MITF: variants seen among roughly 807,000 people sequenced by gnomAD.
MITF encodes microphthalmia-associated transcription factor.
In MITF, 17 loss-of-function variants were observed where a neutral mutation model predicts 60.5. That is an observed-to-expected ratio of 0.28 (90% confidence interval 0.19 to 0.42). The LOEUF is 0.42. MITF is among the 10% of genes least tolerant of loss of function. The probability of loss-of-function intolerance (pLI) is 1.00; values close to 1 mark genes in which losing one functional copy is unlikely to be tolerated. For synonymous variants in MITF, 260 were observed against 248.5 expected (o/e 1.05, Z -0.43); for missense variants, 622 against 683.5 (o/e 0.91, Z 1.00).
intron 1 of MITF, among the ~76,000 whole-genome samples, chr3:69,777,666 A>G (rs1319049365): frequency 6.6e-6 from 1 of 152,280 alleles, no homozygotes; most frequent in African/African-American, 2.4e-5. Context: ...GGAAGTGCTG[A>G]TGAAATTCCT....
chr3:69,822,483 A>G (rs2063291349), intron 1 of MITF, among the ~76,000 whole-genome samples: 3 of 152,202 alleles, frequency 2.0e-5, no homozygotes, highest in Admixed American at 2.0e-4. Context: ...GCACTGGGGA[A>G]ATGAAGTGTA....
chr3:69,857,178 C>T (rs1017667713), intron 1 of MITF, among the ~76,000 whole-genome samples: 20 of 151,788 alleles, frequency 1.3e-4, no homozygotes, highest in Non-Finnish European at 2.6e-4. Flanking sequence ...AGAGGCAACT[C>T]CAGTGCAAGG....
intron 5 of MITF, among the ~76,000 whole-genome samples, chr3:69,943,342 C>T (rs2066015065): frequency 6.6e-6 from 1 of 151,996 alleles, no homozygotes; most frequent in South Asian, 2.1e-4. Context: ...GGTTTCTGAC[C>T]AGATCTGGGG....
intron 1 of MITF, among the ~76,000 whole-genome samples, chr3:69,836,828 T>C (rs543250390): frequency 1.3e-5 from 2 of 152,266 alleles, no homozygotes; most frequent in South Asian, 4.1e-4. Context: ...GAAAAAGATA[T>C]ATTCATGTGT....
intron 2 of MITF, among the ~76,000 whole-genome samples, chr3:69,916,739 A>T (rs2065343409): frequency 6.6e-6 from 1 of 152,196 alleles, no homozygotes; most frequent in Non-Finnish European, 1.5e-5. Context: ...CACTGACCTC[A>T]ATATTTTTTA....
chr3:69,822,767 T>G (rs751889759), intron 1 of MITF, among the ~76,000 whole-genome samples: 1 of 152,236 alleles, frequency 6.6e-6, no homozygotes, highest in Non-Finnish European at 1.5e-5. Context: ...ACTTGCTTGC[T>G]TTCCCCAAGT....
chr3:69,921,957 C>T (rs2065477430), intron 2 of MITF, among the ~76,000 whole-genome samples: 1 of 152,176 alleles, frequency 6.6e-6, no homozygotes, highest in Non-Finnish European at 1.5e-5. Context: ...ACCCCCTCCT[C>T]ACATAGTTAT....
intron 7 of MITF, among the ~76,000 whole-genome samples, chr3:69,955,753 G>A (rs1448886502): frequency 2.6e-5 from 4 of 152,056 alleles, no homozygotes; most frequent in East Asian, 1.9e-4. Flanking sequence ...GATGGAGGTC[G>A]CAGTGAGCTG....
chr3:69,938,262 C>T (rs1403362007), intron 3 of MITF: 3 of 1,246,666 alleles, frequency 2.4e-6, no homozygotes, highest in South Asian at 2.6e-5. Context: ...AGACCTGGCC[C>T]TCTCCAAGTG....
In MITF at chr3:69,938,002, A is replaced by C; in HGVS notation, c.535A>C (p.Asn179His). ...MPPVPGSSAP[N>H]SPMAMLTLNS... Reference sequence around the variant, plus strand: ...ACCGGTGCCGGGGAGCAGCGCACCCAACAGCCCCATGGCTATGCTTACGCT... The same window carrying C: ...ACCGGTGCCGGGGAGCAGCGCACCCCACAGCCCCATGGCTATGCTTACGCT... The change falls in exon 3 of 10, where the codon AAC becomes CAC. Residue 179 changes from asparagine (N) to histidine (H), a missense_variant. By Grantham distance (68) the Asn-to-His change is moderately conservative. Transcript: ENST00000352241. 1 of 1,614,218 alleles carries C rather than the reference A, an allele frequency of 6.2e-7. No homozygotes were observed. Among genetic ancestry groups the C allele is most frequent in the Non-Finnish European group, 8.5e-7 (1 of 1,180,016 alleles).
intron 1 of MITF, among the ~76,000 whole-genome samples, chr3:69,786,127 TTC>T (rs2062645097): frequency 6.6e-6 from 1 of 152,234 alleles, no homozygotes; most frequent in African/African-American, 2.4e-5. Flanking sequence ...CACTCTTAGA[TTC>T]TAAGGTGGAG....
chr3:69,967,880 C>T lies in MITF; in HGVS notation c.*2632C>T, dbSNP rs984300026. The T allele has an allele frequency of 1.3e-5, 3 of 233,052 alleles. No individual in the cohort carries two copies. Among genetic ancestry groups the T allele is most frequent in the Admixed American group, 5.6e-5 (1 of 17,748 alleles). 14.4% of individuals were successfully genotyped at this position (233,052 alleles called of 1,614,324 possible). A position where few individuals can be genotyped will look rare whatever the true frequency, so the allele number is the denominator to read the frequency against. Reference sequence around the variant, plus strand: ...GGGGTTGGGCCTCTATATGGAGTGACCAAAATGCCAAAATTGTCCATCTGC... The same window carrying T: ...GGGGTTGGGCCTCTATATGGAGTGATCAAAATGCCAAAATTGTCCATCTGC... On this transcript the variant is annotated 3_prime_UTR_variant, in exon 10 of 10. Transcript: ENST00000352241.
chr3:69,845,442 C>CTT (rs751773040), intron 1 of MITF, among the ~76,000 whole-genome samples: 20,771 of 136,486 alleles, frequency 0.15, 1,743 homozygotes, highest in South Asian at 0.2. Context: ...TTTTTTCTTT[C>CTT]TTTTTTTTTT....
At chr3:69,898,656 A>G (rs1397139554) in intron 2 of MITF, among the ~76,000 whole-genome samples, 1 of 152,164 alleles carries the variant, frequency 6.6e-6, no homozygotes, top group East Asian at 1.9e-4. Flanking sequence ...AAAACACAGG[A>G]ACAAAGCTTG....
chr3:69,906,374 T>C (rs539531887), intron 2 of MITF, among the ~76,000 whole-genome samples: 1 of 152,296 alleles, frequency 6.6e-6, no homozygotes, highest in East Asian at 1.9e-4. Context: ...GAGTCAAGTA[T>C]TGTCTGACCT....
At chr3:69,746,056 C>A (rs1191623613) in intron 1 of MITF, among the ~76,000 whole-genome samples, 1 of 152,182 alleles carries the variant, frequency 6.6e-6, no homozygotes, top group East Asian at 1.9e-4. Context: ...GGTGCCTCAA[C>A]CTGCAGATGT....
intron 1 of MITF, among the ~76,000 whole-genome samples, chr3:69,805,793 G>A (rs2062995847): frequency 6.6e-6 from 1 of 151,918 alleles, no homozygotes; most frequent in African/African-American, 2.4e-5. Flanking sequence ...CAAATAGCTA[G>A]GACTACAGGC....
At chr3:69,865,240 G>A (rs1427659075) in intron 1 of MITF, among the ~76,000 whole-genome samples, 1 of 152,194 alleles carries the variant, frequency 6.6e-6, no homozygotes, top group African/African-American at 2.4e-5. Context: ...TATGGCTGAA[G>A]AGGTTGCATT....
chr3:69,774,130 T>C (rs972420437), intron 1 of MITF, among the ~76,000 whole-genome samples: 9 of 152,188 alleles, frequency 5.9e-5, no homozygotes, highest in African/African-American at 2.2e-4. Flanking sequence ...TTCATACCAA[T>C]ATCCTTTAAA....
Sources: allele counts gnomAD v4.1 joint callset (sites outside exome capture counted in the v4.1 genomes callset), GRCh38; gene constraint gnomAD v4.1.1; transcripts MANE v1.5; gene names NCBI Gene and HGNC (gene_info 2026-07-23, HGNC 2026-07-21).